LSAMP: variants seen among roughly 807,000 people sequenced by gnomAD.
LSAMP encodes limbic system associated membrane protein.
Under a neutral mutation model 38.6 loss-of-function variants are expected in LSAMP, and 7 were observed. That is an observed-to-expected ratio of 0.18 (90% CI 0.10 to 0.34). The LOEUF (loss-of-function observed/expected upper bound fraction) is 0.34. Ranked by LOEUF, LSAMP falls within the 10% of genes least tolerant of loss-of-function variation. The pLI is 1.00. For synonymous variants in LSAMP, 154 were observed against 166.8 expected (o/e 0.92, Z 0.59); for missense variants, 313 against 420.0 (o/e 0.75, Z 2.23).
intron 6 of LSAMP, chr3:115,838,084 T>A (rs960870188): frequency 2.6e-5 from 4 of 152,256 alleles, no homozygotes; most frequent in African/African-American, 7.2e-5. Context: ...AAAACTCCTA[T>A]GCTCATCAGC....
intron 3 of LSAMP, among the ~76,000 whole-genome samples, chr3:115,957,246 T>C (rs2107587604): frequency 6.6e-6 from 1 of 152,348 alleles, no homozygotes; most frequent in East Asian, 1.9e-4. Context: ...CCTCTGATTA[T>C]AGATGTAGAA....
chr3:116,225,425 CA>C (rs1382823108), intron 1 of LSAMP, among the ~76,000 whole-genome samples: 1 of 152,156 alleles, frequency 6.6e-6, no homozygotes, highest in Non-Finnish European at 1.5e-5. Flanking sequence ...ATCATTGCCA[CA>C]CCTTGACTGT....
chr3:115,862,001 C>T (rs1371747711), intron 3 of LSAMP, among the ~76,000 whole-genome samples: 1 of 152,078 alleles, frequency 6.6e-6, no homozygotes, highest in Non-Finnish European at 1.5e-5. Context: ...TGAAAAAGCC[C>T]CATATACTTA....
At chr3:116,080,776 TC>T (rs1175360667) in intron 2 of LSAMP, among the ~76,000 whole-genome samples, 1 of 152,166 alleles carries the variant, frequency 6.6e-6, no homozygotes, top group African/African-American at 2.4e-5. Context: ...ATGAGAAAAT[TC>T]CAGTTAATCA....
At chr3:116,130,719 T>C (rs528958030) in intron 1 of LSAMP, among the ~76,000 whole-genome samples, 5 of 152,200 alleles carry the variant, frequency 3.3e-5, no homozygotes, top group African/African-American at 1.2e-4. Flanking sequence ...AAATAAAGTA[T>C]AGAAAGTACA....
At position 115,984,516 on chromosome 3, in the gene LSAMP, A is replaced by G. The variant is rs539658677; in HGVS notation, c.514+34999T>C. The stretch of plus-strand genomic sequence containing the variant: ...GGGATTTAGCTATGTGGTGAGAATA[A>G]AAAGAAGGAATGAATGATCCTTGTC... On this transcript the variant is annotated intron_variant, in intron 3 of 6. Coordinates refer to ENST00000490035, the MANE Select transcript of LSAMP (RefSeq NM_002338.5). Among the ~76,000 whole-genome samples, 6 of 152,314 alleles carry G rather than the reference A, an allele frequency of 3.9e-5. No homozygotes were observed. The East Asian group carries it at 1.2e-3, about 29-fold the overall frequency.
At chr3:116,312,670 G>T (rs897460888) in intron 1 of LSAMP, among the ~76,000 whole-genome samples, 2 of 152,150 alleles carry the variant, frequency 1.3e-5, no homozygotes, top group African/African-American at 4.8e-5. Context: ...AAGAAGGGGT[G>T]CAGGTCACTA....
intron 6 of LSAMP, among the ~76,000 whole-genome samples, chr3:115,826,183 T>C (rs143553923): frequency 4.5e-4 from 69 of 152,160 alleles, no homozygotes; most frequent in Admixed American, 1.6e-3. Context: ...GGCGCAATCT[T>C]GGCTCACTGC....
intron 1 of LSAMP, among the ~76,000 whole-genome samples, chr3:116,183,662 A>G (rs1489341495): frequency 1.3e-5 from 2 of 151,882 alleles, no homozygotes; most frequent in Non-Finnish European, 2.9e-5. Flanking sequence ...AATAAATGAC[A>G]GTTGCCCATT....
intron 1 of LSAMP, among the ~76,000 whole-genome samples, chr3:116,356,469 G>C (rs1453071292): frequency 1.3e-5 from 2 of 152,160 alleles, no homozygotes; most frequent in Non-Finnish European, 2.9e-5. Flanking sequence ...AAATGGGGAA[G>C]GCTAATAGGT....
At chr3:115,846,856 G>A (rs116536874) in intron 4 of LSAMP, among the ~76,000 whole-genome samples, 2,146 of 152,164 alleles carry the variant, frequency 0.014, 27 homozygotes, top group Non-Finnish European at 0.017. Context: ...CACAACATGC[G>A]GCGACACAGT....
At chr3:115,859,077 G>C (rs1196689083) in intron 3 of LSAMP, among the ~76,000 whole-genome samples, 1 of 152,202 alleles carries the variant, frequency 6.6e-6, no homozygotes, top group Non-Finnish European at 1.5e-5. Context: ...GGTTCTGTTT[G>C]TATTTCCAGC....
At chr3:116,436,054 T>C (rs774110641) in intron 1 of LSAMP, among the ~76,000 whole-genome samples, 2 of 152,128 alleles carry the variant, frequency 1.3e-5, no homozygotes. Flanking sequence ...TTCTACCAAA[T>C]GCAAAAACAG....
At chr3:116,183,466 G>C (rs1379412421) in intron 1 of LSAMP, among the ~76,000 whole-genome samples, 1 of 151,838 alleles carries the variant, frequency 6.6e-6, no homozygotes, top group Non-Finnish European at 1.5e-5. Flanking sequence ...CAGTGTTATG[G>C]GTTAGTTAGA....
chr3:116,220,396 A>ACAC (rs2046269597), intron 1 of LSAMP, among the ~76,000 whole-genome samples: 2 of 148,130 alleles, frequency 1.4e-5, no homozygotes, highest in African/African-American at 5.1e-5. Context: ...CACACACACA[A>ACAC]AAGATACTTC....
intron 2 of LSAMP, among the ~76,000 whole-genome samples, chr3:116,063,580 T>C (rs1477087383): frequency 6.6e-6 from 1 of 152,166 alleles, no homozygotes; most frequent in Admixed American, 6.5e-5. Context: ...GAATAAATGT[T>C]TCATTTTGAG....
At chr3:116,396,699 G>C (rs2048772290) in intron 1 of LSAMP, among the ~76,000 whole-genome samples, 1 of 152,074 alleles carries the variant, frequency 6.6e-6, no homozygotes, top group Admixed American at 6.5e-5. Flanking sequence ...CTCTAGACTT[G>C]TTTGTCTACT....
At chr3:116,192,687 G>A (rs1284421494) in intron 1 of LSAMP, among the ~76,000 whole-genome samples, 1 of 152,148 alleles carries the variant, frequency 6.6e-6, no homozygotes, top group Non-Finnish European at 1.5e-5. Context: ...ATAGAAAAAT[G>A]GTCAAGTTTC....
chr3:116,205,249 T>G (rs1009321356), intron 1 of LSAMP, among the ~76,000 whole-genome samples: 3 of 148,580 alleles, frequency 2.0e-5, no homozygotes, highest in African/African-American at 5.0e-5. Flanking sequence ...TGTACGTTGA[T>G]TTTGTATCCT....
Sources: allele counts gnomAD v4.1 joint callset (sites outside exome capture counted in the v4.1 genomes callset), GRCh38; gene constraint gnomAD v4.1.1; transcripts MANE v1.5; gene names NCBI Gene and HGNC (gene_info 2026-07-23, HGNC 2026-07-21).